The following VPS13C variants were observed in gnomAD, a reference collection of about 807,000 sequenced individuals.
VPS13C encodes vacuolar protein sorting 13 homolog C, also known as intermembrane lipid transfer protein VPS13C.
A neutral mutation model predicts 456.8 loss-of-function variants in VPS13C; 358 were observed. The ratio of observed to expected loss-of-function variants is 0.78; its 90% confidence interval spans 0.72 to 0.86. The LOEUF is 0.86. VPS13C is among the 40% of genes least tolerant of loss of function. The probability of loss-of-function intolerance (pLI) is 0.00; values close to 1 mark genes in which losing one functional copy is unlikely to be tolerated. For synonymous variants in VPS13C, 1,578 were observed against 1,486.7 expected (o/e 1.06, Z -1.41); for missense variants, 4,818 against 4,385.4 (o/e 1.10, Z -2.79).
intron 78 of VPS13C, among the ~76,000 whole-genome samples, chr15:61,873,025 T>G (rs1414386069): frequency 2.6e-5 from 4 of 152,066 alleles, no homozygotes; most frequent in Admixed American, 2.0e-4. Flanking sequence ...AGTACTACCC[T>G]GTCATCATTA....
chr15:61,947,670 G>A (rs545015984), intron 42 of VPS13C, among the ~76,000 whole-genome samples: 5 of 151,878 alleles, frequency 3.3e-5, no homozygotes, highest in African/African-American at 4.8e-5. Flanking sequence ...ACTCCTTTTC[G>A]TATCATATAT....
Position 61,974,316 on chromosome 15 carries a change from T to C in VPS13C, c.2510A>G (p.Lys837Arg), listed in dbSNP as rs1240867866. 1.2e-6 allele frequency: 2 copies of C among 1,612,346 alleles called. No individual in the cohort carries two copies. Among genetic ancestry groups the C allele is most frequent in the Non-Finnish European group, 1.7e-6 (2 of 1,178,862 alleles). ...YLMNSIPLPQ[K>R]SSAQSPERQV... is the part of the protein sequence containing the mutation. ...TCTCTCTGGAGACTGGGCTGATGAT[T>C]TCTGTGGCAAAGGTATACTGTTCAT... is the stretch of plus-strand genomic sequence containing the variant. Residue 837 changes from lysine (K) to arginine (R), a missense_variant, in exon 25 of 85, where the codon AAA becomes AGA. Transcript: ENST00000644861.
intron 77 of VPS13C, among the ~76,000 whole-genome samples, chr15:61,874,074 T>C (rs1895233285): frequency 6.6e-6 from 1 of 151,900 alleles, no homozygotes; most frequent in Non-Finnish European, 1.5e-5. Context: ...GAAATAAGTC[T>C]GGCACAGAAA....
At chr15:62,023,679 T>G in intron 7 of VPS13C, 101 bp downstream of exon 7, 8 of 1,296,778 alleles carry the variant, frequency 6.2e-6, no homozygotes, top group Non-Finnish European at 8.6e-6. Flanking sequence ...AACTTGTTTT[T>G]GAATTTATAC....
Position 61,983,602 on chromosome 15 carries a change from GTAGA to G in VPS13C, c.1914+214_1914+217del, listed in dbSNP as rs143749409. 4,367 of 466,050 alleles carry G rather than the reference GTAGA, an allele frequency of 9.4e-3. 26 individuals are homozygous for G. Among genetic ancestry groups the G allele is most frequent in the Non-Finnish European group, 0.012 (3,384 of 271,580 alleles). 28.9% of individuals were successfully genotyped at this position (466,050 alleles called of 1,614,324 possible). A position where few individuals can be genotyped will look rare whatever the true frequency, so the allele number is the denominator to read the frequency against. ...AGATTTTTTAAAATTTAACAAAGGC[GTAGA>G]TAAATAAACCTTGGAGTAGGGAAAA... On this transcript the variant is annotated intron_variant, in intron 20 of 84. Transcript: ENST00000644861.
intron 66 of VPS13C, among the ~76,000 whole-genome samples, chr15:61,900,697 C>T (rs1315268286): frequency 7.3e-5 from 11 of 151,044 alleles, no homozygotes; most frequent in Admixed American, 7.3e-4. Context: ...AGGTAATTTA[C>T]AGATTCAATG....
chr15:61,859,063 T>G (rs17205225), intron 82 of VPS13C, among the ~76,000 whole-genome samples: 67,508 of 151,940 alleles, frequency 0.44, 15,720 homozygotes, highest in Non-Finnish European at 0.51. Flanking sequence ...AAGCTACAAG[T>G]GATATCAAAT....
chr15:62,057,462 T>C (rs1202003649), intron 1 of VPS13C, among the ~76,000 whole-genome samples: 1 of 152,134 alleles, frequency 6.6e-6, no homozygotes, highest in African/African-American at 2.4e-5. Flanking sequence ...ATTGAGAAAT[T>C]AGGGTTATCA....
At chr15:62,041,146 G>A (rs1175768297) in intron 3 of VPS13C, among the ~76,000 whole-genome samples, 178 bp downstream of exon 3, 1 of 152,048 alleles carries the variant, frequency 6.6e-6, no homozygotes, top group Non-Finnish European at 1.5e-5. Context: ...ATAAAAAAAA[G>A]AAGTATGTAC....
intron 44 of VPS13C, 78 bp from the exon 45 acceptor site, chr15:61,945,960 G>A (rs1050700273): frequency 3.7e-5 from 45 of 1,209,280 alleles, no homozygotes; most frequent in East Asian, 8.0e-5. Flanking sequence ...ATAAGTTCTC[G>A]TATTACAGAA....
intron 37 of VPS13C, among the ~76,000 whole-genome samples, chr15:61,957,554 G>C (rs2045047390): frequency 6.6e-6 from 1 of 152,048 alleles, no homozygotes; most frequent in Non-Finnish European, 1.5e-5. Flanking sequence ...AATATACTAT[G>C]TTAGAAAGGT....
rs750972158 is a variant in VPS13C, at chr15:61,963,941, G to C, written c.3225C>G (p.Ser1075=). Residue 1075 remains serine, a synonymous_variant, in exon 32 of 85, where the codon TCC becomes TCG. Transcript: ENST00000644861. ...KNSTLPKAIV[S]SRDSDIIDFR... is the part of the protein sequence containing the mutation. ...AATCAATAATGTCACTATCTCTGGAGGATACAATCGCTAAAAATAAAACAA... is the reference window on the plus strand; with the variant it reads ...AATCAATAATGTCACTATCTCTGGACGATACAATCGCTAAAAATAAAACAA... 1.3e-6 allele frequency: 2 copies of C among 1,595,088 alleles called. No individual in the cohort carries two copies. Among genetic ancestry groups the C allele is most frequent in the Non-Finnish European group, 1.7e-6 (2 of 1,165,088 alleles).
At chr15:62,038,204 C>T (rs1291212404) in intron 3 of VPS13C, among the ~76,000 whole-genome samples, 1 of 152,020 alleles carries the variant, frequency 6.6e-6, no homozygotes, top group Non-Finnish European at 1.5e-5. Context: ...TGAGGAAAAA[C>T]TCATCTGGAC....
At chr15:61,980,109 A>G (rs2045831723) in intron 22 of VPS13C, among the ~76,000 whole-genome samples, 1 of 141,250 alleles carries the variant, frequency 7.1e-6, no homozygotes, top group African/African-American at 2.6e-5. Flanking sequence ...ACTTGAACCC[A>G]GGAGGCAAAG....
At position 61,977,095 on chromosome 15, in the gene VPS13C, T is replaced by C. The variant is rs758952153; in HGVS notation, c.2395A>G (p.Ile799Val). The change falls in exon 24 of 85, where the codon ATT (isoleucine) becomes GTT (valine). Residue 799 changes from isoleucine to valine, a missense_variant. Physicochemically the swap from Ile to Val is conservative, Grantham distance 29. Transcript: ENST00000644861. ...TTTATACATTACCTGGCCATTCTAA[T>C]GTCTTTTTCTACCATGGCCTTAGCC... The part of the protein sequence containing the change: ...ELAKAMVEKD[I>V]RMARFKVSGG... 6 of 1,598,612 alleles carry C rather than the reference T, an allele frequency of 3.8e-6. No homozygotes were observed. Among genetic ancestry groups the C allele is most frequent in the Admixed American group, 1.7e-5 (1 of 57,590 alleles).
At chr15:61,967,558 T>G (rs892634731) in intron 28 of VPS13C, 111 bp from the exon 29 acceptor site, 2 of 829,640 alleles carry the variant, frequency 2.4e-6, no homozygotes, top group African/African-American at 3.6e-5. Flanking sequence ...AGAAAATCTT[T>G]GCATATTGTC....
At chr15:62,054,756 A>C (rs1300216195) in intron 1 of VPS13C, among the ~76,000 whole-genome samples, 1 of 151,906 alleles carries the variant, frequency 6.6e-6, no homozygotes. Flanking sequence ...AAGAAGAGGA[A>C]GAAGAAGAAG....
chr15:61,902,709 G>A (rs1411509441), intron 66 of VPS13C, among the ~76,000 whole-genome samples: 1 of 151,986 alleles, frequency 6.6e-6, no homozygotes, highest in Non-Finnish European at 1.5e-5. Flanking sequence ...AAATGATAAA[G>A]GCTATATATA....
intron 1 of VPS13C, among the ~76,000 whole-genome samples, chr15:62,051,748 G>A (rs1052432096): frequency 5.3e-5 from 8 of 152,144 alleles, no homozygotes; most frequent in Admixed American, 6.5e-5. Context: ...CAGGCAGAAC[G>A]GTAGGATAGA....
Sources: allele counts gnomAD v4.1 joint callset (sites outside exome capture counted in the v4.1 genomes callset), GRCh38; gene constraint gnomAD v4.1.1; transcripts MANE v1.5; gene names NCBI Gene and HGNC (gene_info 2026-07-23, HGNC 2026-07-21).